The following HTR2C variants were observed in gnomAD, a reference collection of about 807,000 sequenced individuals.
HTR2C encodes 5-hydroxytryptamine (serotonin) receptor 2C, G protein-coupled.
In HTR2C, 5 loss-of-function variants were observed where a neutral mutation model predicts 21.0. The observed-to-expected ratio is 0.24, with a 90% confidence interval of 0.12 to 0.50. The LOEUF (loss-of-function observed/expected upper bound fraction) is 0.50, where lower values mean the gene tolerates loss of function less well. Among genes scored for constraint, HTR2C ranks in the 20% least tolerant of loss-of-function variants. The probability of loss-of-function intolerance (pLI) is 0.98; values close to 1 mark genes in which losing one functional copy is unlikely to be tolerated. For synonymous variants in HTR2C, 150 were observed against 145.3 expected (o/e 1.03, Z -0.23); for missense variants, 271 against 371.2 (o/e 0.73, Z 2.22).
chrX:114,844,000 C>T (rs1556466495), intron 4 of HTR2C, among the ~76,000 whole-genome samples: 1 of 110,539 alleles, frequency 9.0e-6, no homozygotes, highest in Admixed American at 9.7e-5. Context: ...GGGAGTCCTT[C>T]AGGATGAAAT....
intron 2 of HTR2C, among the ~76,000 whole-genome samples, chrX:114,627,135 A>G (rs1556403068): frequency 1.8e-5 from 2 of 111,989 alleles, no homozygotes; most frequent in Non-Finnish European, 3.8e-5. Flanking sequence ...AAGGCAAAAC[A>G]CTTCAATTAA....
At chrX:114,700,442 G>A (rs896012138) in intron 2 of HTR2C, among the ~76,000 whole-genome samples, 1 of 111,596 alleles carries the variant, frequency 9.0e-6, no homozygotes, top group Non-Finnish European at 1.9e-5. Context: ...CAATATAATG[G>A]CTTTAAATGA....
In HTR2C at chrX:114,737,491, A is replaced by T. The variant is rs184822779; in HGVS notation, c.349+5884A>T. Among the ~76,000 whole-genome samples the T allele has an allele frequency of 4.5e-5, 5 of 111,519 alleles. 1 individual carries two copies. The Admixed American group carries it at 4.8e-4, about 11-fold the overall frequency. ...CGCCTCAGTCTCCCAAAGTGCTATG[A>T]TTACAGGCGTGAGCCAGCGCGCCAG... On this transcript the variant is annotated intron_variant, in intron 4 of 5. Coordinates refer to ENST00000276198, the MANE Select transcript of HTR2C (RefSeq NM_000868.4).
intron 2 of HTR2C, among the ~76,000 whole-genome samples, chrX:114,715,527 GATTT>G (rs1271826556): frequency 2.8e-5 from 1 of 35,691 alleles, no homozygotes; most frequent in Non-Finnish European, 7.2e-5. Flanking sequence ...AGATAAAGAG[GATTT>G]GTTTTTCTAG....
chrX:114,897,474 T>C (rs2071305288), intron 5 of HTR2C, among the ~76,000 whole-genome samples: 2 of 110,946 alleles, frequency 1.8e-5, no homozygotes, highest in Admixed American at 1.9e-4. Flanking sequence ...GGTAAATGTG[T>C]CCCATGGTGG....
chrX:114,599,023 A>G (rs1927979764), intron 1 of HTR2C, among the ~76,000 whole-genome samples: 1 of 111,599 alleles, frequency 9.0e-6, no homozygotes, highest in Non-Finnish European at 1.9e-5. Flanking sequence ...CTGCCTCTTG[A>G]AGCCTATGTA....
chrX:114,862,321 A>G (rs1433709145), intron 5 of HTR2C, among the ~76,000 whole-genome samples: 1 of 110,656 alleles, frequency 9.0e-6, no homozygotes, highest in African/African-American at 3.3e-5. Flanking sequence ...TGGGCTCTCT[A>G]TTCTGTTTTA....
intron 2 of HTR2C, among the ~76,000 whole-genome samples, chrX:114,636,381 C>T (rs1336708537): frequency 2.7e-5 from 3 of 111,563 alleles, no homozygotes; most frequent in Admixed American, 9.6e-5. Context: ...TTTGATAATA[C>T]ACACTGATGC....
chrX:114,848,708 C>T (rs1479438795), intron 5 of HTR2C, among the ~76,000 whole-genome samples: 2 of 110,619 alleles, frequency 1.8e-5, no homozygotes, highest in African/African-American at 6.5e-5. Flanking sequence ...TGCTATGACA[C>T]CTAAAATGTA....
chrX:114,904,817 C>T (rs904637021), intron 5 of HTR2C, among the ~76,000 whole-genome samples: 2 of 110,240 alleles, frequency 1.8e-5, no homozygotes, highest in Non-Finnish European at 3.8e-5. Flanking sequence ...TCTGTGCTGT[C>T]TAGAGATTAC....
intron 4 of HTR2C, among the ~76,000 whole-genome samples, chrX:114,805,899 A>G (rs2070416124): frequency 2.0e-5 from 2 of 98,125 alleles, no homozygotes; most frequent in Admixed American, 2.3e-4. Context: ...CCATATATAT[A>G]CATCATATAT....
At chrX:114,780,212 G>C (rs781970169) in intron 4 of HTR2C, among the ~76,000 whole-genome samples, 58 of 110,796 alleles carry the variant, frequency 5.2e-4, no homozygotes, top group Non-Finnish European at 9.4e-4. Flanking sequence ...GGTATCTACG[G>C]GTGTCCTGGA....
rs2069822133 is a variant in HTR2C at position 114,757,193 on chromosome X, A to T, written c.349+25586A>T. Among the ~76,000 whole-genome samples, 3 of 111,781 alleles carry T rather than the reference A, an allele frequency of 2.7e-5. No homozygotes were observed. In the South Asian group the frequency reaches 1.1e-3, roughly 41 times the overall value. ...TTTATAACTAAGGTTATAAAAATTT[A>T]AAAAACAACTGGAGTTAATGGTCCT... On this transcript the variant is annotated intron_variant, in intron 4 of 5. Coordinates refer to ENST00000276198, the MANE Select transcript of HTR2C (RefSeq NM_000868.4).
intron 2 of HTR2C, among the ~76,000 whole-genome samples, chrX:114,651,386 T>G (rs1556408466): frequency 8.9e-6 from 1 of 111,735 alleles, no homozygotes; most frequent in African/African-American, 3.2e-5. Context: ...GGCTAGAGGG[T>G]AAGAGACTAC....
At chrX:114,732,743 T>A (rs1332783645) in intron 4 of HTR2C, among the ~76,000 whole-genome samples, 4 of 111,434 alleles carry the variant, frequency 3.6e-5, no homozygotes, top group African/African-American at 1.3e-4. Context: ...ATTACTGGAA[T>A]GAAGTGAAAC....
rs782389840 is a variant in HTR2C, at chrX:114,722,125, C to T, written c.-79-4733C>T. On this transcript the variant is annotated intron_variant, in intron 2 of 5. Coordinates refer to ENST00000276198, the MANE Select transcript of HTR2C (RefSeq NM_000868.4). ...ACCTTGGGCAGTATGGCCATTTTCACGATATTGATTCTTCCTACCTATGAG... is the reference window on the plus strand; with the variant it reads ...ACCTTGGGCAGTATGGCCATTTTCATGATATTGATTCTTCCTACCTATGAG... 7.7e-3 allele frequency among the ~76,000 whole-genome samples: 854 copies of T among 110,261 alleles called. 10 individuals are homozygous for T. The highest frequency in any genetic ancestry group is 0.026 in the African/African-American group (782 of 30,320).
intron 4 of HTR2C, among the ~76,000 whole-genome samples, chrX:114,801,815 T>C (rs1556446892): frequency 1.8e-5 from 2 of 111,133 alleles, no homozygotes; most frequent in African/African-American, 6.5e-5. Flanking sequence ...TTCTTTGTGA[T>C]ACAATCTAAT....
At chrX:114,723,126 C>T (rs1330891243) in intron 2 of HTR2C, among the ~76,000 whole-genome samples, 4 of 111,188 alleles carry the variant, frequency 3.6e-5, no homozygotes, top group Admixed American at 9.5e-5. Context: ...TAGAATTTGG[C>T]TGTGAATCCA....
chrX:114,768,954 T>C (rs781851391), intron 4 of HTR2C, among the ~76,000 whole-genome samples: 1 of 111,275 alleles, frequency 9.0e-6, no homozygotes, highest in African/African-American at 3.2e-5. Context: ...TTACAAGAGA[T>C]TGCAAGTGCC....
Sources: gnomAD v4.1 joint callset for allele counts (sites outside exome capture counted in the v4.1 genomes callset) on GRCh38, gnomAD v4.1.1 for gene constraint, MANE v1.5 for transcripts, NCBI Gene and HGNC (gene_info 2026-07-23, HGNC 2026-07-21) for gene names.